The following GPC3 variants were observed in gnomAD, a reference collection of about 807,000 sequenced individuals.
GPC3 encodes glypican 3.
A neutral mutation model predicts 34.4 loss-of-function variants in GPC3; 3 were observed. The ratio of observed to expected loss-of-function variants is 0.09; its 90% confidence interval spans 0.04 to 0.23. The LOEUF (loss-of-function observed/expected upper bound fraction) is 0.23, where lower values mean the gene tolerates loss of function less well. GPC3 is among the 10% of genes least tolerant of loss of function. The pLI is 1.00. For missense variants in GPC3, 351 were observed against 445.6 expected, an observed-to-expected ratio of 0.79 and a Z score of 1.91; for synonymous variants, 177 against 174.0, an observed-to-expected ratio of 1.02 and a Z score of -0.13.
intron 1 of GPC3, among the ~76,000 whole-genome samples, chrX:133,982,896 T>C (rs1168269240): frequency 1.8e-5 from 2 of 112,336 alleles, no homozygotes; most frequent in Non-Finnish European, 3.8e-5. Context: ...ATTATACATT[T>C]ATTCACTTTG....
intron 1 of GPC3, among the ~76,000 whole-genome samples, chrX:133,973,993 A>G (rs1040957810): frequency 8.9e-6 from 1 of 112,431 alleles, no homozygotes; most frequent in Non-Finnish European, 1.9e-5. Context: ...TGATTGTGAA[A>G]GATCACCTAC....
At chrX:133,791,240 T>C (rs2072156663) in intron 2 of GPC3, among the ~76,000 whole-genome samples, 2 of 111,519 alleles carry the variant, frequency 1.8e-5, no homozygotes, top group Admixed American at 9.5e-5. Context: ...AGTGACCTAA[T>C]GCTGCAGCTT....
At position 133,668,712 on chromosome X, in the gene GPC3, T is replaced by C. The variant is rs966716520; in HGVS notation, c.1293-6862A>G. On this transcript the variant is annotated intron_variant, in intron 5 of 7. Transcript: ENST00000370818. ...CCTATTGGCAGCCTGTTTTTGCTGC[T>C]GCTGAGGCACAGAGAAGGTAGGTCA... Among the ~76,000 whole-genome samples the C allele has an allele frequency of 9.0e-5, 10 of 111,529 alleles. No homozygotes were observed. In the East Asian group the frequency reaches 1.1e-3, roughly 13 times the overall value.
At chrX:133,651,331 T>C (rs1298285612) in intron 6 of GPC3, among the ~76,000 whole-genome samples, 2 of 110,067 alleles carry the variant, frequency 1.8e-5, no homozygotes, top group African/African-American at 3.3e-5. Context: ...TACATGTAAA[T>C]ACGTATCCCT....
intron 5 of GPC3, chrX:133,670,873 T>A (rs1313996539): frequency 3.4e-6 from 1 of 298,195 alleles, no homozygotes; most frequent in African/African-American, 2.7e-5. Flanking sequence ...TAAATGTGCT[T>A]AATAAAGACA....
intron 6 of GPC3, among the ~76,000 whole-genome samples, chrX:133,607,788 G>C (rs1168139036): frequency 8.9e-6 from 1 of 112,371 alleles, no homozygotes; most frequent in Non-Finnish European, 1.9e-5. Flanking sequence ...ACAGATGAGG[G>C]AGACTCTTCC....
chrX:133,839,872 G>A (rs113875299), intron 2 of GPC3, among the ~76,000 whole-genome samples: 2 of 100,920 alleles, frequency 2.0e-5, no homozygotes, highest in African/African-American at 3.8e-5. Context: ...AGCTTGCAGT[G>A]AGCCGAGATC....
chrX:133,636,848 A>T (rs114377147), intron 6 of GPC3, among the ~76,000 whole-genome samples: 10 of 110,731 alleles, frequency 9.0e-5, no homozygotes, highest in African/African-American at 3.3e-4. Flanking sequence ...ATCTCCCCTC[A>T]CTATTCAGAT....
intron 2 of GPC3, among the ~76,000 whole-genome samples, chrX:133,798,475 T>C (rs1166926036): frequency 8.9e-6 from 1 of 112,238 alleles, no homozygotes; most frequent in African/African-American, 3.2e-5. Context: ...AGCACTTGTC[T>C]CCCGTGGGTC....
At chrX:133,757,677 A>G (rs2071740237) in intron 2 of GPC3, among the ~76,000 whole-genome samples, 1 of 111,044 alleles carries the variant, frequency 9.0e-6, no homozygotes, top group Non-Finnish European at 1.9e-5. Context: ...GAAGCAGGTT[A>G]TTTTTTTTCA....
chrX:133,816,752 G>T (rs906950346), intron 2 of GPC3, among the ~76,000 whole-genome samples: 5 of 108,891 alleles, frequency 4.6e-5, no homozygotes, highest in African/African-American at 1.3e-4. Flanking sequence ...GGAAGTCAAA[G>T]AAGTTGATGT....
At chrX:133,730,804 A>C (rs191019885) in intron 3 of GPC3, among the ~76,000 whole-genome samples, 60 of 111,713 alleles carry the variant, frequency 5.4e-4, no homozygotes, top group Non-Finnish European at 9.6e-4. Flanking sequence ...TATATAAAAA[A>C]AAAGGAAGGT....
At chrX:133,833,570 G>A (rs2075786581) in intron 2 of GPC3, among the ~76,000 whole-genome samples, 2 of 111,555 alleles carry the variant, frequency 1.8e-5, no homozygotes. Flanking sequence ...CTGCTACTAG[G>A]AGTCTGCAGT....
chrX:133,788,723 C>CCCTCCTCCTCCTATGCCCT (rs2072132136), intron 2 of GPC3, among the ~76,000 whole-genome samples: 1 of 99,199 alleles, frequency 1.0e-5, no homozygotes, highest in Non-Finnish European at 2.0e-5. Flanking sequence ...TCTTCCTCCC[C>CCCTCCTCCTCCTATGCCCT]CCTCCTCCTC....
chrX:133,847,308 T>A (rs950939059), intron 2 of GPC3, among the ~76,000 whole-genome samples: 25 of 110,844 alleles, frequency 2.3e-4, no homozygotes, highest in East Asian at 5.6e-4. Context: ...GATATCTTTT[T>A]AAAAAAAAAT....
intron 7 of GPC3, among the ~76,000 whole-genome samples, chrX:133,589,979 G>A (rs948197089): frequency 1.8e-5 from 2 of 111,214 alleles, no homozygotes; most frequent in Non-Finnish European, 3.8e-5. Context: ...AGTATGAAGA[G>A]GTGGGGCTTT....
chrX:133,967,359 C>CA (rs1038780965), intron 1 of GPC3, among the ~76,000 whole-genome samples: 2 of 111,576 alleles, frequency 1.8e-5, no homozygotes, highest in African/African-American at 6.5e-5. Context: ...GTGAAAAACT[C>CA]AAAAACAGTT....
chrX:133,666,506 G>A (rs1292473353), intron 5 of GPC3, among the ~76,000 whole-genome samples: 2 of 112,250 alleles, frequency 1.8e-5, no homozygotes, highest in East Asian at 2.8e-4. Context: ...TCCAACTGAT[G>A]CCTATAGTTG....
intron 7 of GPC3, among the ~76,000 whole-genome samples, chrX:133,547,515 CAAGTT>C (rs1471253270): frequency 9.0e-6 from 1 of 111,041 alleles, no homozygotes; most frequent in Non-Finnish European, 1.9e-5. Flanking sequence ...CTTTGAAAGT[CAAGTT>C]AAGTTGTGCA....
Sources: gnomAD v4.1 joint callset for allele counts (sites outside exome capture counted in the v4.1 genomes callset) on GRCh38, gnomAD v4.1.1 for gene constraint, MANE v1.5 for transcripts, NCBI Gene and HGNC (gene_info 2026-07-23, HGNC 2026-07-21) for gene names.